Variants in SHISA9 observed in about 807,000 individuals in gnomAD.
SHISA9 encodes shisa family member 9.
In SHISA9, 13 loss-of-function variants were observed where a neutral mutation model predicts 38.0. That is an observed-to-expected ratio of 0.34 (90% confidence interval 0.22 to 0.54). The LOEUF is 0.54. Among genes scored for constraint, SHISA9 ranks in the 20% least tolerant of loss-of-function variants. SHISA9 has a pLI of 0.91. For missense variants in SHISA9, 538 were observed against 575.8 expected (o/e 0.93, Z 0.67); for synonymous variants, 275 against 242.0 (o/e 1.14, Z -1.27).
the SHISA9 span, among the ~76,000 whole-genome samples, chr16:13,448,329 A>G: frequency 2.0e-5 from 3 of 152,222 alleles, no homozygotes; most frequent in Non-Finnish European, 4.4e-5. Context: ...ACACGCCTTC[A>G]AAGGCCATTA....
At chr16:13,372,818 G>C in the SHISA9 span, among the ~76,000 whole-genome samples, 1 of 152,084 alleles carries the variant, frequency 6.6e-6, no homozygotes, top group Non-Finnish European at 1.5e-5. Context: ...CTCCAGAGTA[G>C]TGTTTCTTAA....
At chr16:13,505,560 T>C in the SHISA9 span, among the ~76,000 whole-genome samples, 5 of 152,234 alleles carry the variant, frequency 3.3e-5, no homozygotes, top group African/African-American at 1.2e-4. Context: ...GTAATTAAAA[T>C]GCCAACAACA....
At chr16:13,421,177 C>G in the SHISA9 span, among the ~76,000 whole-genome samples, 61 of 150,696 alleles carry the variant, frequency 4.0e-4, no homozygotes, top group African/African-American at 1.4e-3. Flanking sequence ...TTCAGATGTC[C>G]TAGAGACAGT....
intron 2 of SHISA9, among the ~76,000 whole-genome samples, chr16:13,137,025 A>T (rs1276471461): frequency 6.6e-6 from 1 of 152,220 alleles, no homozygotes; most frequent in African/African-American, 2.4e-5. Flanking sequence ...AGAATTAGGA[A>T]GTGATGACAC....
At chr16:13,242,676 G>A (rs2051443921), downstream of SHISA9, among the ~76,000 whole-genome samples, 1 of 152,130 alleles carries the variant, frequency 6.6e-6, no homozygotes, top group African/African-American at 2.4e-5. Context: ...GCAACTCCAT[G>A]TCTTCATTTT....
the SHISA9 span, among the ~76,000 whole-genome samples, chr16:13,274,646 G>C: frequency 6.6e-6 from 1 of 152,110 alleles, no homozygotes; most frequent in Non-Finnish European, 1.5e-5. Flanking sequence ...CCTGAAAGAA[G>C]GAGGGAAGAG....
chr16:13,268,100 C>T, the SHISA9 span, among the ~76,000 whole-genome samples: 1 of 151,966 alleles, frequency 6.6e-6, no homozygotes, highest in African/African-American at 2.4e-5. Flanking sequence ...CCCATCAGCT[C>T]CTCTCCTGAA....
At chr16:13,058,012 T>C (rs2073330284) in intron 2 of SHISA9, among the ~76,000 whole-genome samples, 1 of 152,202 alleles carries the variant, frequency 6.6e-6, no homozygotes, top group South Asian at 2.1e-4. Flanking sequence ...TAATATTCCA[T>C]GGTGAATATG....
chr16:13,510,118 C>T, the SHISA9 span, among the ~76,000 whole-genome samples: 4 of 152,054 alleles, frequency 2.6e-5, no homozygotes, highest in African/African-American at 9.7e-5. Flanking sequence ...CCAGGCTGGC[C>T]AACATGGTGA....
chr16:13,241,496 A>G (rs1299327219), downstream of SHISA9, among the ~76,000 whole-genome samples: 1 of 152,144 alleles, frequency 6.6e-6, no homozygotes, highest in Non-Finnish European at 1.5e-5. Flanking sequence ...ACAAGAGCCA[A>G]ACTCCATCTC....
intron 2 of SHISA9, among the ~76,000 whole-genome samples, chr16:13,065,727 G>T (rs775117988): frequency 6.6e-6 from 1 of 152,204 alleles, no homozygotes; most frequent in Non-Finnish European, 1.5e-5. Context: ...CCGAACCAAG[G>T]TGTAAGTCCT....
At chr16:13,125,360 G>T (rs903697837) in intron 2 of SHISA9, among the ~76,000 whole-genome samples, 1 of 152,200 alleles carries the variant, frequency 6.6e-6, no homozygotes, top group South Asian at 2.1e-4. Context: ...ATGGGATGAG[G>T]TGTCCTGGGT....
chr16:13,336,248 GT>G, the SHISA9 span, among the ~76,000 whole-genome samples: 2 of 152,160 alleles, frequency 1.3e-5, no homozygotes, highest in African/African-American at 4.8e-5. Flanking sequence ...CCTTCTCTGT[GT>G]TAAAAAGAGT....
the SHISA9 span, among the ~76,000 whole-genome samples, chr16:13,376,857 TTTGTATTTC>T: frequency 6.6e-5 from 10 of 152,018 alleles, no homozygotes; most frequent in Non-Finnish European, 1.5e-4. Flanking sequence ...CCAGCTAATT[TTTGTATTTC>T]TTGTAGAGAT....
At chr16:13,377,449 A>G in the SHISA9 span, among the ~76,000 whole-genome samples, 3 of 152,198 alleles carry the variant, frequency 2.0e-5, no homozygotes, top group Non-Finnish European at 2.9e-5. Context: ...GAGGGAGAGC[A>G]AAGAGGATTG....
the SHISA9 span, among the ~76,000 whole-genome samples, chr16:13,501,079 C>T: frequency 6.6e-6 from 1 of 152,150 alleles, no homozygotes; most frequent in Non-Finnish European, 1.5e-5. Context: ...GATAACCTTC[C>T]CAATGCCAAA....
chr16:13,203,431 T>C lies in SHISA9; in HGVS notation c.729T>C (p.Pro243=). ...TQMNNAVPTS[P]LLQQMGHPHS... ...TGAACAACGCAGTGCCCACCTCTCCTCTGCTCCAGCAGATGGGCCATCCAC... is the reference window on the plus strand; with the variant it reads ...TGAACAACGCAGTGCCCACCTCTCCCCTGCTCCAGCAGATGGGCCATCCAC... The change falls in exon 3 of 5, where the codon CCT becomes CCC. Residue 243 remains proline (P), a synonymous_variant. Coordinates refer to ENST00000558583, the MANE Select transcript of SHISA9 (RefSeq NM_001145204.3). The C allele has an allele frequency of 6.5e-7, 1 of 1,550,034 alleles. No homozygotes were observed.
At chr16:12,918,711 G>A (rs1011322713) in intron 2 of SHISA9, among the ~76,000 whole-genome samples, 2 of 152,178 alleles carry the variant, frequency 1.3e-5, no homozygotes, top group Non-Finnish European at 2.9e-5. Context: ...CATCAAGGGA[G>A]AAAGTGTCTC....
the SHISA9 span, among the ~76,000 whole-genome samples, chr16:13,469,953 T>C: frequency 2.6e-5 from 4 of 152,274 alleles, no homozygotes; most frequent in Admixed American, 1.3e-4. Flanking sequence ...CTTATTGTCA[T>C]CTCTTGGGAT....
Sources: allele counts gnomAD v4.1 joint callset (sites outside exome capture counted in the v4.1 genomes callset), GRCh38; gene constraint gnomAD v4.1.1; transcripts MANE v1.5; gene names NCBI Gene and HGNC (gene_info 2026-07-23, HGNC 2026-07-21).